ULK4: variants seen among roughly 807,000 people sequenced by gnomAD.
The protein encoded by ULK4 is inactive serine/threonine-protein kinase ULK4.
A neutral mutation model predicts 160.6 loss-of-function variants in ULK4; 133 were observed. The ratio of observed to expected loss-of-function variants is 0.83; its 90% CI spans 0.72 to 0.96. The LOEUF (loss-of-function observed/expected upper bound fraction) is 0.96, where lower values mean the gene tolerates loss of function less well. ULK4 is among the 40% of genes least tolerant of loss of function. The pLI is 0.00. For synonymous variants in ULK4, 534 were observed against 539.8 expected, an observed-to-expected ratio of 0.99 and a Z score of 0.15; for missense variants, 1,580 against 1,499.5, an observed-to-expected ratio of 1.05 and a Z score of -0.89.
At chr3:41,848,695 G>C (rs905685973) in intron 17 of ULK4, among the ~76,000 whole-genome samples, 1 of 152,148 alleles carries the variant, frequency 6.6e-6, no homozygotes, top group Admixed American at 6.5e-5. Flanking sequence ...TCCCCAAACA[G>C]GACTCCAAGA....
chr3:41,912,922 A>T (rs1559645994), intron 8 of ULK4, 23 bp from the exon 9 acceptor site: 1 of 1,609,748 alleles, frequency 6.2e-7, no homozygotes, highest in Non-Finnish European at 8.5e-7. Context: ...TAAATGTTAA[A>T]ACTCTACTTT....
chr3:41,868,478 G>A (rs933760089), intron 17 of ULK4, among the ~76,000 whole-genome samples: 6 of 151,376 alleles, frequency 4.0e-5, no homozygotes, highest in African/African-American at 1.2e-4. Flanking sequence ...ACTGTATATA[G>A]CTAGGTTTTT....
At chr3:41,474,262 C>T (rs1172103453) in intron 32 of ULK4, among the ~76,000 whole-genome samples, 1 of 152,166 alleles carries the variant, frequency 6.6e-6, no homozygotes, top group African/African-American at 2.4e-5. Context: ...AGGGAAACGA[C>T]TGTCTCTTCA....
chr3:41,296,522 A>C (rs1375560328), intron 35 of ULK4, among the ~76,000 whole-genome samples: 1 of 151,962 alleles, frequency 6.6e-6, no homozygotes, highest in African/African-American at 2.4e-5. Context: ...AGGCAAGAAA[A>C]CTCTGCCCAC....
intron 17 of ULK4, among the ~76,000 whole-genome samples, chr3:41,856,220 T>A (rs1042931880): frequency 6.6e-6 from 1 of 152,072 alleles, no homozygotes; most frequent in Non-Finnish European, 1.5e-5. Flanking sequence ...CTTTATCATT[T>A]TCAACAAATT....
chr3:41,908,308 A>G (rs1256165333), intron 11 of ULK4, among the ~76,000 whole-genome samples: 2 of 152,180 alleles, frequency 1.3e-5, no homozygotes, highest in East Asian at 3.9e-4. Flanking sequence ...AAAGGAAATT[A>G]CCCTGGCACC....
intron 35 of ULK4, among the ~76,000 whole-genome samples, chr3:41,330,607 T>G (rs974140135): frequency 2.0e-5 from 3 of 152,144 alleles, no homozygotes; most frequent in Non-Finnish European, 4.4e-5. Flanking sequence ...AGCCAAGTCA[T>G]AGGCTGAGAA....
At chr3:41,323,013 C>T (rs2080273171) in intron 35 of ULK4, among the ~76,000 whole-genome samples, 1 of 151,942 alleles carries the variant, frequency 6.6e-6, no homozygotes, top group African/African-American at 2.4e-5. Flanking sequence ...TCTCGGCTCA[C>T]CGCAACTTCT....
At chr3:41,262,521 C>T (rs543715268) in intron 35 of ULK4, among the ~76,000 whole-genome samples, 1 of 152,268 alleles carries the variant, frequency 6.6e-6, no homozygotes, top group African/African-American at 2.4e-5. Context: ...CTCCTGGGGT[C>T]TGTATGTTCC....
At chr3:41,360,415 G>A (rs147844545) in intron 35 of ULK4, among the ~76,000 whole-genome samples, 2 of 152,136 alleles carry the variant, frequency 1.3e-5, no homozygotes, top group East Asian at 1.9e-4. Flanking sequence ...CCTATTAGTG[G>A]GTATATACCT....
chr3:41,683,834 A>G (rs2125793997), intron 27 of ULK4, among the ~76,000 whole-genome samples: 2 of 152,182 alleles, frequency 1.3e-5, no homozygotes, highest in East Asian at 3.9e-4. Context: ...TTCTTTAAGT[A>G]CATTCCCTCC....
At position 41,249,483 on chromosome 3, in the gene ULK4, A is replaced by G. The variant is rs1053202837; in HGVS notation, c.3764+6T>C. The G allele has an allele frequency of 6.2e-7, 1 of 1,612,566 alleles. No individual in the cohort carries two copies. Among genetic ancestry groups the G allele is most frequent in the Non-Finnish European group, 8.5e-7 (1 of 1,179,332 alleles). On this transcript the variant is annotated splice_donor_region_variant and intron_variant, in intron 36 of 36. Coordinates refer to ENST00000301831, the MANE Select transcript of ULK4 (RefSeq NM_017886.4). ...CAGACTGCTGATCCTCCTGGGTCCC[A>G]CTTACCCACTCCCAGGGGCCAGCCG...
At chr3:41,668,845 T>C (rs2035436995) in intron 29 of ULK4, among the ~76,000 whole-genome samples, 2 of 152,194 alleles carry the variant, frequency 1.3e-5, no homozygotes, top group Admixed American at 1.3e-4. Flanking sequence ...CTCTTTAGCA[T>C]AACAAATGTA....
At chr3:41,328,855 T>A (rs150206132) in intron 35 of ULK4, among the ~76,000 whole-genome samples, 55 of 152,326 alleles carry the variant, frequency 3.6e-4, no homozygotes, top group African/African-American at 1.1e-3. Context: ...TGTTCTTATG[T>A]GGGTTCAGAC....
At chr3:41,933,530 C>T (rs1011155413) in intron 4 of ULK4, among the ~76,000 whole-genome samples, 1 of 152,104 alleles carries the variant, frequency 6.6e-6, no homozygotes, top group Non-Finnish European at 1.5e-5. Flanking sequence ...TTCGCTAACC[C>T]CTGTTCTAGA....
At chr3:41,792,982 G>A (rs560546865) in intron 20 of ULK4, among the ~76,000 whole-genome samples, 1 of 152,334 alleles carries the variant, frequency 6.6e-6, no homozygotes, top group African/African-American at 2.4e-5. Flanking sequence ...AGGCCAGCCT[G>A]GCCAAGAAGG....
At chr3:41,920,361 C>A (rs1334165127) in intron 5 of ULK4, among the ~76,000 whole-genome samples, 1 of 152,160 alleles carries the variant, frequency 6.6e-6, no homozygotes, top group Non-Finnish European at 1.5e-5. Context: ...TGGCTTTGAC[C>A]AGGGAGAGGA....
At chr3:41,851,737 A>G (rs2042219705) in intron 17 of ULK4, among the ~76,000 whole-genome samples, 1 of 152,220 alleles carries the variant, frequency 6.6e-6, no homozygotes, top group Admixed American at 6.5e-5. Context: ...CCTGGGACAC[A>G]TTCAAAGCAG....
rs189648515 is a variant in ULK4 at position 41,714,602 on chromosome 3, G to A, written c.2634+635C>T. On this transcript the variant is annotated intron_variant, in intron 25 of 36. Transcript: ENST00000301831. The stretch of plus-strand genomic sequence containing the variant: ...GGGAAAAAGATAACATAATTCATGA[G>A]CTAAACAAAAAGAATTTTTGTGAGC... 7.2e-3 allele frequency among the ~76,000 whole-genome samples: 1,102 copies of A among 152,162 alleles called. 10 individuals are homozygous for A. Among genetic ancestry groups the A allele is most frequent in the Non-Finnish European group, 0.011 (745 of 68,010 alleles).
Sources: allele counts gnomAD v4.1 joint callset (sites outside exome capture counted in the v4.1 genomes callset), GRCh38; gene constraint gnomAD v4.1.1; transcripts MANE v1.5; gene names NCBI Gene and HGNC (gene_info 2026-07-23, HGNC 2026-07-21).